MAPK8IP3: variants seen among roughly 807,000 people sequenced by gnomAD.
MAPK8IP3 encodes C-Jun-amino-terminal kinase-interacting protein 3.
MAPK8IP3 carries 49 observed loss-of-function variants against 157.8 expected under a neutral mutation model. The observed-to-expected ratio is 0.31, with a 90% CI of 0.25 to 0.39. The LOEUF is 0.39. MAPK8IP3 is among the 10% of genes least tolerant of loss of function. MAPK8IP3 has a pLI of 1.00. For missense variants in MAPK8IP3, 1,478 were observed against 1,889.4 expected (o/e 0.78, Z 4.04); for synonymous variants, 897 against 777.7 (o/e 1.15, Z -2.55).
At chr16:1,728,250 C>T (rs752826869) in intron 2 of MAPK8IP3, among the ~76,000 whole-genome samples, 24 of 152,190 alleles carry the variant, frequency 1.6e-4, no homozygotes, top group Non-Finnish European at 2.9e-4. Flanking sequence ...GGGGGCCTCC[C>T]GTTTAAGGGA....
chr16:1,759,563 G>A (rs112783000), intron 10 of MAPK8IP3, among the ~76,000 whole-genome samples: 9 of 152,196 alleles, frequency 5.9e-5, no homozygotes, highest in African/African-American at 1.2e-4. Flanking sequence ...TGGCCCTGCC[G>A]TGAGGGCCAG....
In MAPK8IP3 at chr16:1,763,790, G is replaced by C; in HGVS notation, c.2025+7G>C. ...GCCCGCCAAGTACAAGCAGGTGCGG[G>C]CGGGCGCTGCGGGGACCGGGCGGGG... On this transcript the variant is annotated splice_region_variant and intron_variant, in intron 17 of 31. Transcript: ENST00000610761. 6.6e-7 allele frequency: 1 copy of C among 1,521,714 alleles called. No individual in the cohort carries two copies. Among genetic ancestry groups the C allele is most frequent in the Non-Finnish European group, 8.8e-7 (1 of 1,132,626 alleles). 94.3% of individuals were successfully genotyped at this position (1,521,714 alleles called of 1,614,324 possible).
intron 8 of MAPK8IP3, among the ~76,000 whole-genome samples, chr16:1,757,254 G>A (rs1160840405): frequency 6.6e-6 from 1 of 152,078 alleles, no homozygotes; most frequent in Non-Finnish European, 1.5e-5. Context: ...ACAGGTGCCC[G>A]CTACCAGGTC....
At chr16:1,733,467 G>A (rs2039448278) in intron 4 of MAPK8IP3, among the ~76,000 whole-genome samples, 1 of 152,236 alleles carries the variant, frequency 6.6e-6, no homozygotes, top group Admixed American at 6.5e-5. Context: ...GTCGTCATGG[G>A]CCAGGCCAGG....
Position 1,766,025 on chromosome 16 carries a change from C to G in MAPK8IP3, c.2512C>G (p.Pro838Ala). The G allele has an allele frequency of 1.2e-6, 2 of 1,612,816 alleles. No homozygotes were observed. Among genetic ancestry groups the G allele is most frequent in the Non-Finnish European group, 8.5e-7 (1 of 1,179,948 alleles). Residue 838 changes from proline to alanine, a missense_variant, in exon 21 of 32, where the codon CCG (proline) becomes GCG (alanine). Pro to Ala is a conservative substitution (Grantham distance 27, BLOSUM62 -1). Around this residue, in one of 11 missense-constraint regions of MAPK8IP3, gnomAD observed 669 missense variants for 759.8 expected, o/e 0.88. Coordinates refer to ENST00000610761, the MANE Select transcript of MAPK8IP3 (RefSeq NM_001318852.2). ...FLDSDVNPED[P>A]GADGVLAGIT... is the part of the protein sequence containing the mutation. Reference sequence around the variant, plus strand: ...GGACAGCGACGTGAACCCAGAGGACCCGGGCGCAGATGGCGTGCTGGCCGG... The same window carrying G: ...GGACAGCGACGTGAACCCAGAGGACGCGGGCGCAGATGGCGTGCTGGCCGG...
In MAPK8IP3 at chr16:1,740,063, C is replaced by T. The variant is rs570783059; in HGVS notation, c.603-3269C>T. On this transcript the variant is annotated intron_variant, in intron 4 of 31. Transcript: ENST00000610761. ...CCGTGTGAGCATCCGTGTGACTGTCCGTGTGAGCGTGAGCATCCGTGTGAC... is the reference window on the plus strand; with the variant it reads ...CCGTGTGAGCATCCGTGTGACTGTCTGTGTGAGCGTGAGCATCCGTGTGAC... Among the ~76,000 whole-genome samples, 29 of 77,040 alleles carry T rather than the reference C, an allele frequency of 3.8e-4. 2 individuals are homozygous for T. In the East Asian group the frequency reaches 0.01, roughly 27 times the overall value. 50.5% of individuals were successfully genotyped at this position (77,040 alleles called of 152,430 possible). A position where few individuals can be genotyped will look rare whatever the true frequency, so the allele number is the denominator to read the frequency against.
intron 8 of MAPK8IP3, among the ~76,000 whole-genome samples, chr16:1,749,711 T>C (rs1023978195): frequency 1.3e-5 from 2 of 152,232 alleles, no homozygotes; most frequent in Non-Finnish European, 2.9e-5. Context: ...CCTTTCGCCA[T>C]GGCCTTGCTT....
chr16:1,715,537 G>A (rs990955376), intron 1 of MAPK8IP3, among the ~76,000 whole-genome samples: 2 of 152,088 alleles, frequency 1.3e-5, no homozygotes, highest in Non-Finnish European at 2.9e-5. Flanking sequence ...TAAGATAAAA[G>A]ACCAAAAATG....
chr16:1,757,086 T>C (rs1451835539), intron 8 of MAPK8IP3, among the ~76,000 whole-genome samples: 1 of 152,158 alleles, frequency 6.6e-6, no homozygotes, highest in East Asian at 1.9e-4. Flanking sequence ...CAAACAGCCG[T>C]TTTGTCATCT....
intron 4 of MAPK8IP3, among the ~76,000 whole-genome samples, chr16:1,734,194 TGGCCCTGCG>T (rs1188041562): frequency 3.3e-5 from 5 of 152,252 alleles, no homozygotes; most frequent in African/African-American, 1.2e-4. Context: ...GAGAAGACGT[TGGCCCTGCG>T]GGAAGAAGGC....
At chr16:1,762,283 C>T (rs2041997776) in intron 13 of MAPK8IP3, 68 bp from the exon 14 acceptor site, 2 of 1,501,268 alleles carry the variant, frequency 1.3e-6, no homozygotes, top group Admixed American at 2.1e-5. Flanking sequence ...GTGTAGGCAC[C>T]CCAGGAGGAA....
chr16:1,747,811 G>A (rs1330799622), intron 6 of MAPK8IP3, among the ~76,000 whole-genome samples: 1 of 150,908 alleles, frequency 6.6e-6, no homozygotes, highest in Admixed American at 6.6e-5. Context: ...AACCTGCATC[G>A]CCCCACGGCA....
chr16:1,766,075 C>T lies in MAPK8IP3; in HGVS notation c.2562C>T (p.Thr854=). The change falls in exon 21 of 32, where the codon ACC becomes ACT. Residue 854 remains threonine (T), a synonymous_variant. Coordinates refer to ENST00000610761, the MANE Select transcript of MAPK8IP3 (RefSeq NM_001318852.2). ...LAGITLVGCA[T]RCNVPRSNCS... Reference sequence around the variant, plus strand: ...GTATCACCCTGGTGGGCTGTGCCACCCGCTGCAACGTGCCGCGGAGCAACT... The same window carrying T: ...GTATCACCCTGGTGGGCTGTGCCACTCGCTGCAACGTGCCGCGGAGCAACT... 1 of 1,612,848 alleles carries T rather than the reference C, an allele frequency of 6.2e-7. No individual in the cohort carries two copies. The highest frequency in any genetic ancestry group is 8.5e-7 in the Non-Finnish European group (1 of 1,179,944).
intron 8 of MAPK8IP3, among the ~76,000 whole-genome samples, chr16:1,753,492 G>A (rs1242635207): frequency 3.3e-5 from 5 of 151,556 alleles, no homozygotes; most frequent in Non-Finnish European, 7.4e-5. Flanking sequence ...CCAGGCTGGA[G>A]TGCAGTGACA....
intron 2 of MAPK8IP3, 117 bp from the exon 3 acceptor site, chr16:1,729,021 T>G: frequency 1.0e-6 from 1 of 974,646 alleles, no homozygotes; most frequent in African/African-American, 1.6e-5. Flanking sequence ...GCTGGTTGCC[T>G]CAGGACCCAG....
rs532629569 is a variant in MAPK8IP3 at position 1,748,795 on chromosome 16, TGAAAG to T, written c.1216+81_1216+85del. On this transcript the variant is annotated intron_variant, in intron 8 of 31. Transcript: ENST00000610761. ...TTTCTGCTGTTGGTTTTGTTTGTAA[TGAAAG>T]GAAAGTCCTCTGTCAGCTGTGAGCT... is the stretch of plus-strand genomic sequence containing the variant. 630 of 1,348,110 alleles carry T rather than the reference TGAAAG, an allele frequency of 4.7e-4. 6 individuals carry two copies. The Middle Eastern group carries it at 0.014, about 30-fold the overall frequency. 83.5% of individuals were successfully genotyped at this position (1,348,110 alleles called of 1,614,324 possible). A position where few individuals can be genotyped will look rare whatever the true frequency, so the allele number is the denominator to read the frequency against.
Position 1,767,908 on chromosome 16 carries a change from C to A in MAPK8IP3, c.3513C>A (p.Pro1171=). The A allele has an allele frequency of 6.2e-7, 1 of 1,611,118 alleles. No individual in the cohort carries two copies. Among genetic ancestry groups the A allele is most frequent in the South Asian group, 1.1e-5 (1 of 91,076 alleles). The change falls in exon 28 of 32, where the codon CCC becomes CCA. Residue 1171 remains proline (P), a synonymous_variant. Coordinates refer to ENST00000610761, the MANE Select transcript of MAPK8IP3 (RefSeq NM_001318852.2). ...GCAACGGAGTGGTCATCTCCATCCC[C>A]CTGACAGAGAGTGAGTGGCCTGCAC... ...GTGNGVVISI[P]LTETVVLHRG... is the part of the protein sequence containing the mutation.
At chr16:1,762,796 G>C in intron 15 of MAPK8IP3, 40 bp from the exon 16 acceptor site, 1 of 1,603,042 alleles carries the variant, frequency 6.2e-7, no homozygotes, top group Non-Finnish European at 8.5e-7. Context: ...GAGGTTCCCT[G>C]GTCCTCTGCC....
chr16:1,731,482 C>T (rs991412532), intron 4 of MAPK8IP3, among the ~76,000 whole-genome samples: 6 of 152,180 alleles, frequency 3.9e-5, no homozygotes, highest in Admixed American at 6.5e-5. Flanking sequence ...CCCAGATGCC[C>T]GGAGAGGAGA....
Sources: allele counts gnomAD v4.1 joint callset (sites outside exome capture counted in the v4.1 genomes callset), GRCh38; gene constraint gnomAD v4.1.1; regional missense constraint gnomAD v4.1.1; transcripts MANE v1.5; gene names NCBI Gene and HGNC (gene_info 2026-07-23, HGNC 2026-07-21).